RBM7: variants seen among roughly 807,000 people sequenced by gnomAD.
The protein encoded by RBM7 is RNA binding motif protein 7, also known as RNA-binding protein 7.
In RBM7, 13 loss-of-function variants were observed where a neutral mutation model predicts 31.0. That is an observed-to-expected ratio of 0.42 (90% CI 0.27 to 0.67). The LOEUF is 0.67. Ranked by LOEUF, RBM7 falls within the 30% of genes least tolerant of loss-of-function variation. The pLI, the probability that RBM7 is intolerant of heterozygous loss-of-function variation, is 0.24. For synonymous variants in RBM7, 106 were observed against 111.2 expected (o/e 0.95, Z 0.30); for missense variants, 245 against 326.2 (o/e 0.75, Z 1.92).
intron 3 of RBM7, among the ~76,000 whole-genome samples, chr11:114,405,275 A>G (rs1360942224): frequency 6.6e-6 from 1 of 152,214 alleles, no homozygotes; most frequent in Non-Finnish European, 1.5e-5. Flanking sequence ...AGCCATAGAT[A>G]ATACAAAAAC....
chr11:114,410,041 CCT>C lies in RBM7; in HGVS notation c.*2235_*2236del, dbSNP rs1946317319. 6.6e-6 allele frequency: 1 copy of C among 152,112 alleles called. No individual in the cohort carries two copies. The highest frequency in any genetic ancestry group is 2.4e-5 in the African/African-American group (1 of 41,412). 9.4% of individuals were successfully genotyped at this position (152,112 alleles called of 1,614,324 possible). Reference sequence around the variant, plus strand: ...CCACAGTGCTCCAATGAGCCTTTCCCCTGAGTGTCACATCTGTATTGGCACTC... The same window carrying C: ...CCACAGTGCTCCAATGAGCCTTTCCCGAGTGTCACATCTGTATTGGCACTC... On this transcript the variant is annotated 3_prime_UTR_variant, in exon 5 of 5. Transcript: ENST00000375490.
Position 114,400,676 on chromosome 11 carries a change from G to GGGCGGC in RBM7, c.14_19dup (p.Ala5_Ala6dup), listed in dbSNP as rs772872779. On this transcript the variant is annotated inframe_insertion, in exon 1 of 5. Coordinates refer to ENST00000375490, the MANE Select transcript of RBM7 (RefSeq NM_001286045.2). The stretch of plus-strand genomic sequence containing the variant: ...TAGGGAGGGGGCGACGCTGAGATGG[G>GGGCGGC]GGCGGCGGCGGCGGAAGCGGATCGC... The GGGCGGC allele has an allele frequency of 7.4e-6, 12 of 1,614,178 alleles. No homozygotes were observed. Among genetic ancestry groups the GGGCGGC allele is most frequent in the Middle Eastern group, 1.6e-4 (1 of 6,062 alleles).
chr11:114,407,150 C>G, intron 4 of RBM7: 1 of 242,978 alleles, frequency 4.1e-6, no homozygotes, highest in Non-Finnish European at 7.9e-6. Flanking sequence ...TTCATGAAAC[C>G]TTTCCTAATG....
In RBM7 at chr11:114,407,969, G is replaced by T. The variant is rs757663369; in HGVS notation, c.*162G>T. On this transcript the variant is annotated 3_prime_UTR_variant, in exon 5 of 5. Transcript: ENST00000375490. ...ACAGTTTAATACAAAATGAATTGCG[G>T]TTTTATTACATTAATAACCTTTCAC... The T allele has an allele frequency of 2.3e-5, 18 of 792,396 alleles. No homozygotes were observed. The African/African-American group carries it at 2.8e-4, about 12-fold the overall frequency. 49.1% of individuals were successfully genotyped at this position (792,396 alleles called of 1,614,324 possible).
chr11:114,405,711 A>T lies in RBM7; in HGVS notation c.353A>T (p.Tyr118Phe), dbSNP rs1946257636. 1 of 1,577,858 alleles carries T rather than the reference A, an allele frequency of 6.3e-7. No individual in the cohort carries two copies. The highest frequency in any genetic ancestry group is 1.4e-5 in the African/African-American group (1 of 72,690). Residue 118 changes from tyrosine (Y) to phenylalanine (F), a missense_variant, in exon 4 of 5, where the codon TAC (tyrosine) becomes TTC (phenylalanine). Coordinates refer to ENST00000375490, the MANE Select transcript of RBM7 (RefSeq NM_001286045.2). The stretch of plus-strand genomic sequence containing the variant: ...CATGTTGGTTTTCTTTTTAGCAGGT[A>T]CGAAAGGACTATGGATAACATGACT... ...SPTSTSPSSR[Y>F]ERTMDNMTSS...
chr11:114,405,040 C>T (rs1239387135), intron 3 of RBM7, among the ~76,000 whole-genome samples: 2 of 152,086 alleles, frequency 1.3e-5, no homozygotes. Context: ...TTTTTTGTCT[C>T]GGGAAATATC....
At chr11:114,401,138 T>G (rs574132163) in intron 1 of RBM7, among the ~76,000 whole-genome samples, 14 of 152,328 alleles carry the variant, frequency 9.2e-5, no homozygotes, top group Non-Finnish European at 1.3e-4. Flanking sequence ...GACTGGGAAC[T>G]TAATATTTTA....
At chr11:114,405,187 C>G (rs1439161239) in intron 3 of RBM7, among the ~76,000 whole-genome samples, 1 of 152,182 alleles carries the variant, frequency 6.6e-6, no homozygotes, top group East Asian at 1.9e-4. Flanking sequence ...CAAATTATTT[C>G]TAGAAAGGAC....
chr11:114,409,211 A>T lies in RBM7; in HGVS notation c.*1404A>T, dbSNP rs953497346. On this transcript the variant is annotated 3_prime_UTR_variant, in exon 5 of 5. Transcript: ENST00000375490. ...AGTTTTTCTGTTTCTAAGTAAATGT[A>T]GCTATTCAACTACTCACTATAGAAT... 5.3e-5 allele frequency: 8 copies of T among 152,200 alleles called. No homozygotes were observed. The highest frequency in any genetic ancestry group is 1.9e-4 in the African/African-American group (8 of 41,448). The allele number at this position is 152,200 out of a possible 1,614,324, so 9.4% of individuals were successfully genotyped here.
intron 3 of RBM7, 125 bp downstream of exon 3, chr11:114,403,040 G>A (rs1244782516): frequency 1.2e-6 from 1 of 846,354 alleles, no homozygotes; most frequent in Non-Finnish European, 1.9e-6. Context: ...GTTATTACTT[G>A]CCTTTTGGGG....
chr11:114,402,955 A>T (rs768758793), intron 3 of RBM7, 40 bp downstream of exon 3: 39 of 1,483,518 alleles, frequency 2.6e-5, no homozygotes, highest in Non-Finnish European at 2.6e-5. Flanking sequence ...TTTATCAGGA[A>T]TTCTTATAGG....
rs1946280034 is a variant in RBM7 at position 114,407,465 on chromosome 11, A to G, written c.462A>G (p.Gln154=). 1.9e-6 allele frequency: 3 copies of G among 1,612,778 alleles called. No individual in the cohort carries two copies. The highest frequency in any genetic ancestry group is 2.5e-6 in the Non-Finnish European group (3 of 1,178,940). Residue 154 remains glutamine, a synonymous_variant, in exon 5 of 5, where the codon CAA becomes CAG. Transcript: ENST00000375490. ...CTCAGATGAACAGTGCTTTGAGACA[A>G]ATGTCATATGGTGGAAAATTTGGTT... The part of the protein sequence containing the change: ...RQAVMNSALR[Q]MSYGGKFGSS...
chr11:114,404,139 G>C (rs1402667185), intron 3 of RBM7, among the ~76,000 whole-genome samples: 1 of 152,154 alleles, frequency 6.6e-6, no homozygotes, highest in Non-Finnish European at 1.5e-5. Flanking sequence ...GTTTTAGGTA[G>C]GGTACTGATA....
At chr11:114,404,905 A>G (rs1201858449) in intron 3 of RBM7, among the ~76,000 whole-genome samples, 2 of 152,248 alleles carry the variant, frequency 1.3e-5, no homozygotes, top group Admixed American at 6.5e-5. Flanking sequence ...ACATTTTTAA[A>G]GTGAGCTTTT....
chr11:114,401,628 C>T (rs542760478), intron 1 of RBM7, 70 bp from the exon 2 acceptor site: 12 of 1,229,404 alleles, frequency 9.8e-6, no homozygotes, highest in East Asian at 5.7e-5. Flanking sequence ...TTTGTCATAT[C>T]TTATTTGTAA....
In RBM7 at chr11:114,407,640, C is replaced by T. The variant is rs778209684; in HGVS notation, c.637C>T (p.His213Tyr). 3.1e-6 allele frequency: 5 copies of T among 1,614,060 alleles called. No individual in the cohort carries two copies. The highest frequency in any genetic ancestry group is 1.3e-5 in the African/African-American group (1 of 75,028). Residue 213 changes from histidine (H) to tyrosine (Y), a missense_variant, in exon 5 of 5, where the codon CAT becomes TAT. Transcript: ENST00000375490. ...TTCTTATCCCTACCTAGCAGATAGA[C>T]ATTATAGCCGGGAACAGCGTTACAC... The part of the protein sequence containing the change: ...MNSYPYLADR[H>Y]YSREQRYTDH...
At chr11:114,402,796 CAAG>C (rs1056095337) in intron 2 of RBM7, 29 bp from the exon 3 acceptor site, 13 of 1,535,440 alleles carry the variant, frequency 8.5e-6, no homozygotes, top group Non-Finnish European at 1.2e-5. Context: ...GATTTTCTAT[CAAG>C]AATAATTTTT....
At chr11:114,405,637 G>C (rs2135354480) in intron 3 of RBM7, 69 bp from the exon 4 acceptor site, 1 of 1,088,584 alleles carries the variant, frequency 9.2e-7, no homozygotes, top group East Asian at 2.6e-5. Context: ...TGAGAAATGT[G>C]TTCTGCTCAT....
rs1449223935 is a variant in RBM7, at chr11:114,410,577, C to G, written c.*2770C>G. 6.6e-6 allele frequency: 1 copy of G among 152,204 alleles called. No individual in the cohort carries two copies. Among genetic ancestry groups the G allele is most frequent in the African/African-American group, 2.4e-5 (1 of 41,440 alleles). 9.4% of individuals were successfully genotyped at this position (152,204 alleles called of 1,614,324 possible). A position where few individuals can be genotyped will look rare whatever the true frequency, so the allele number is the denominator to read the frequency against. On this transcript the variant is annotated 3_prime_UTR_variant, in exon 5 of 5. Transcript: ENST00000375490. The stretch of plus-strand genomic sequence containing the variant: ...AAGAATTGAAGATGTAAATCTGTCA[C>G]TCGCCTGAATAAAGCTTCAGTGGCC...
Sources: allele counts gnomAD v4.1 joint callset (sites outside exome capture counted in the v4.1 genomes callset), GRCh38; gene constraint gnomAD v4.1.1; transcripts MANE v1.5; gene names NCBI Gene and HGNC (gene_info 2026-07-23, HGNC 2026-07-21).